The following PAK1 variants were observed in gnomAD, a reference collection of about 807,000 sequenced individuals.
PAK1 encodes the protein p21 (RAC1) activated kinase 1, also known as serine/threonine-protein kinase PAK 1.
A neutral mutation model predicts 67.4 loss-of-function variants in PAK1; 29 were observed. The observed-to-expected ratio is 0.43, with a 90% CI of 0.32 to 0.59. The LOEUF (loss-of-function observed/expected upper bound fraction) is 0.59, where lower values mean the gene tolerates loss of function less well. Ranked by LOEUF, PAK1 falls within the 20% of genes least tolerant of loss-of-function variation. The pLI, the probability that PAK1 is intolerant of heterozygous loss-of-function variation, is 0.07. For synonymous variants in PAK1, 223 were observed against 237.4 expected, an observed-to-expected ratio of 0.94 and a Z score of 0.56; for missense variants, 337 against 670.7, an observed-to-expected ratio of 0.50 and a Z score of 5.50.
At chr11:77,506,651 A>AAAAATGGTGG in the PAK1 span, among the ~76,000 whole-genome samples, 6 of 152,184 alleles carry the variant, frequency 3.9e-5, no homozygotes, top group Admixed American at 2.0e-4. Flanking sequence ...ACAATACAGG[A>AAAAATGGTGG]AAAATGGTGG....
upstream of PAK1, among the ~76,000 whole-genome samples, chr11:77,479,130 G>A (rs1005310685): frequency 6.6e-6 from 1 of 150,858 alleles, no homozygotes; most frequent in Non-Finnish European, 1.5e-5. Flanking sequence ...AGCACTCATT[G>A]TAATAGATGC....
the PAK1 span, among the ~76,000 whole-genome samples, chr11:77,482,764 C>T: frequency 6.6e-6 from 1 of 152,004 alleles, no homozygotes; most frequent in Non-Finnish European, 1.5e-5. Context: ...CCCTGCTCAG[C>T]TAATTTTTGA....
At chr11:77,529,108 G>A in the PAK1 span, among the ~76,000 whole-genome samples, 11 of 152,130 alleles carry the variant, frequency 7.2e-5, no homozygotes, top group Admixed American at 5.9e-4. Context: ...TTTTAATCCC[G>A]CAAGACAGGT....
At chr11:77,418,943 C>T (rs1414886493) in intron 1 of PAK1, among the ~76,000 whole-genome samples, 1 of 152,182 alleles carries the variant, frequency 6.6e-6, no homozygotes, top group African/African-American at 2.4e-5. Context: ...CATCTATGTA[C>T]AGTATTAGGC....
chr11:77,484,226 A>G, the PAK1 span, among the ~76,000 whole-genome samples: 1 of 152,104 alleles, frequency 6.6e-6, no homozygotes, highest in Non-Finnish European at 1.5e-5. Context: ...CATAAAAAAA[A>G]AAAAAGGAAA....
intron 1 of PAK1, among the ~76,000 whole-genome samples, chr11:77,416,686 G>A (rs1356107796): frequency 6.6e-6 from 1 of 152,196 alleles, no homozygotes; most frequent in East Asian, 1.9e-4. Context: ...AGGTGCTGTG[G>A]CTGACGCCTG....
chr11:77,367,975 C>T lies in PAK1; in HGVS notation c.477+6353G>A, dbSNP rs185259780. Among the ~76,000 whole-genome samples the T allele has an allele frequency of 2.9e-3, 438 of 152,268 alleles. 1 individual carries two copies. The highest frequency in any genetic ancestry group is 0.02 in the Middle Eastern group (6 of 294). On this transcript the variant is annotated intron_variant, in intron 5 of 14. Transcript: ENST00000356341. The stretch of plus-strand genomic sequence containing the variant: ...GCCTGGTGACAGAACGAGACTCCGT[C>T]TCAAAACAAACAAACAAACAAAAAG...
intron 2 of PAK1, among the ~76,000 whole-genome samples, chr11:77,384,581 AG>A (rs1425547686): frequency 6.6e-5 from 10 of 152,216 alleles, no homozygotes; most frequent in African/African-American, 1.9e-4. Flanking sequence ...AGAGAAATGA[AG>A]TCCTGATCCA....
intron 10 of PAK1, among the ~76,000 whole-genome samples, chr11:77,342,347 T>C (rs928020680): frequency 6.6e-6 from 1 of 152,116 alleles, no homozygotes; most frequent in Admixed American, 6.5e-5. Flanking sequence ...AATAAACAAA[T>C]CTATAAGTCT....
chr11:77,469,422 C>G (rs901162994), intron 1 of PAK1, among the ~76,000 whole-genome samples: 3 of 152,168 alleles, frequency 2.0e-5, no homozygotes, highest in African/African-American at 7.2e-5. Flanking sequence ...TTACCACCAC[C>G]TAACAACTAA....
At chr11:77,374,454 C>G (rs538546294) in intron 4 of PAK1, 89 bp from the exon 5 acceptor site, 2 of 801,320 alleles carry the variant, frequency 2.5e-6, no homozygotes, top group African/African-American at 1.7e-5. Flanking sequence ...TGGTCAAGCA[C>G]GTGCCAGATT....
At chr11:77,436,456 T>C (rs912995237) in intron 1 of PAK1, among the ~76,000 whole-genome samples, 6 of 152,212 alleles carry the variant, frequency 3.9e-5, no homozygotes, top group Admixed American at 3.3e-4. Flanking sequence ...GCTACCAAAC[T>C]GCTATATAAT....
intron 14 of PAK1, among the ~76,000 whole-genome samples, chr11:77,327,693 A>G (rs920607215): frequency 2.0e-5 from 3 of 152,264 alleles, no homozygotes; most frequent in African/African-American, 7.2e-5. Context: ...CCAAATTGTA[A>G]AGACCATCAA....
intron 5 of PAK1, among the ~76,000 whole-genome samples, chr11:77,367,968 A>G (rs1399010881): frequency 6.6e-6 from 1 of 152,126 alleles, no homozygotes; most frequent in Non-Finnish European, 1.5e-5. Flanking sequence ...ACAGAACGAG[A>G]CTCCGTCTCA....
upstream of PAK1, chr11:77,477,101 T>A (rs1004746800): frequency 1.3e-5 from 2 of 152,232 alleles, no homozygotes; most frequent in Admixed American, 1.3e-4. Context: ...GTGACTGCTC[T>A]ATGCTAGGAA....
intron 1 of PAK1, among the ~76,000 whole-genome samples, chr11:77,416,908 G>A (rs932755161): frequency 2.6e-5 from 4 of 151,794 alleles, no homozygotes; most frequent in African/African-American, 9.7e-5. Context: ...AGCAGAGATT[G>A]TGCCACTGCA....
At chr11:77,329,564 C>T (rs1230584938) in intron 14 of PAK1, among the ~76,000 whole-genome samples, 1 of 152,048 alleles carries the variant, frequency 6.6e-6, no homozygotes, top group Non-Finnish European at 1.5e-5. Flanking sequence ...GCAGAAAAGG[C>T]CTTTGACAAA....
the PAK1 span, among the ~76,000 whole-genome samples, chr11:77,511,061 C>T: frequency 1.3e-5 from 2 of 152,180 alleles, no homozygotes; most frequent in East Asian, 3.9e-4. Flanking sequence ...TTTTTCATAA[C>T]GAGCAGACAG....
the PAK1 span, among the ~76,000 whole-genome samples, chr11:77,529,634 T>C: frequency 6.6e-6 from 1 of 152,192 alleles, no homozygotes; most frequent in African/African-American, 2.4e-5. Flanking sequence ...AACAGAGAAA[T>C]GCCCAGAAGG....
Sources: gnomAD v4.1 joint callset for allele counts (sites outside exome capture counted in the v4.1 genomes callset) on GRCh38, gnomAD v4.1.1 for gene constraint, MANE v1.5 for transcripts, NCBI Gene and HGNC (gene_info 2026-07-23, HGNC 2026-07-21) for gene names.